The following ADAM18 variants were observed in gnomAD, a reference collection of about 807,000 sequenced individuals.
ADAM18 encodes ADAM metallopeptidase domain 18.
In ADAM18, 117 loss-of-function variants were observed where a neutral mutation model predicts 94.4. The ratio of observed to expected loss-of-function variants is 1.24; its 90% CI spans 1.07 to 1.45. ADAM18 has a LOEUF of 1.45. ADAM18 is among the 40% of genes most tolerant of loss of function. ADAM18 has a pLI of 0.00. For synonymous variants in ADAM18, 327 were observed against 291.6 expected (o/e 1.12, Z -1.24); for missense variants, 936 against 880.0 (o/e 1.06, Z -0.81).
At chr8:39,594,705 G>A (rs1818684601) in intron 2 of ADAM18, among the ~76,000 whole-genome samples, 1 of 148,728 alleles carries the variant, frequency 6.7e-6, no homozygotes, top group African/African-American at 2.5e-5. Context: ...TTCCCTAATG[G>A]GTAAGTTGTC....
chr8:39,727,423 G>T (rs923712583), intron 19 of ADAM18, among the ~76,000 whole-genome samples: 1 of 152,048 alleles, frequency 6.6e-6, no homozygotes, highest in Non-Finnish European at 1.5e-5. Flanking sequence ...TCATTACTTT[G>T]CTCCCCCATC....
At chr8:39,693,398 GT>G (rs914919281) in intron 17 of ADAM18, among the ~76,000 whole-genome samples, 36 of 149,256 alleles carry the variant, frequency 2.4e-4, no homozygotes, top group African/African-American at 6.4e-4. Context: ...ACATTTTAAT[GT>G]TTTTTTTTCT....
chr8:39,609,524 A>C lies in ADAM18; in HGVS notation c.307A>C (p.Asn103His). ...HYQGYAAEFP[N>H]SFVTLSICSG... Reference sequence around the variant, plus strand: ...CCAAGGATATGCTGCCGAATTTCCAAATTCATTTGTGACACTCAGTATATG... The same window carrying C: ...CCAAGGATATGCTGCCGAATTTCCACATTCATTTGTGACACTCAGTATATG... Residue 103 changes from asparagine (N) to histidine (H), a missense_variant, in exon 5 of 20, where the codon AAT becomes CAT. Transcript: ENST00000265707. 2 of 1,611,494 alleles carry C rather than the reference A, an allele frequency of 1.2e-6. No individual in the cohort carries two copies. Among genetic ancestry groups the C allele is most frequent in the East Asian group, 2.2e-5 (1 of 44,776 alleles).
At chr8:39,728,914 T>C (rs1822997362) in intron 19 of ADAM18, among the ~76,000 whole-genome samples, 1 of 152,214 alleles carries the variant, frequency 6.6e-6, no homozygotes, top group African/African-American at 2.4e-5. Flanking sequence ...GGTAATTCTA[T>C]TTTTATATTT....
intron 18 of ADAM18, among the ~76,000 whole-genome samples, chr8:39,714,247 C>G (rs1318642983): frequency 2.0e-5 from 3 of 152,106 alleles, no homozygotes; most frequent in Non-Finnish European, 2.9e-5. Flanking sequence ...AATGAGATCA[C>G]TTGGTTGCAG....
At chr8:39,721,974 A>G (rs987117101) in intron 18 of ADAM18, among the ~76,000 whole-genome samples, 11 of 151,260 alleles carry the variant, frequency 7.3e-5, no homozygotes, top group Admixed American at 2.0e-4. Context: ...TAACAAAGTT[A>G]TGGAATCAAC....
chr8:39,629,694 CTCTT>C (rs1819879865), intron 7 of ADAM18, among the ~76,000 whole-genome samples: 1 of 150,978 alleles, frequency 6.6e-6, no homozygotes, highest in Non-Finnish European at 1.5e-5. Context: ...TCCTTCCTTC[CTCTT>C]TCTTTCACTC....
At chr8:39,673,618 C>T (rs552989471) in intron 14 of ADAM18, among the ~76,000 whole-genome samples, 1 of 152,042 alleles carries the variant, frequency 6.6e-6, no homozygotes, top group Non-Finnish European at 1.5e-5. Context: ...GTTTCTCTGT[C>T]TCTTTCAGTT....
intron 19 of ADAM18, among the ~76,000 whole-genome samples, chr8:39,724,546 C>G (rs1295531021): frequency 2.0e-5 from 3 of 151,436 alleles, no homozygotes; most frequent in Non-Finnish European, 3.0e-5. Flanking sequence ...TAGTGTTATT[C>G]AGTTTTGTAT....
chr8:39,639,745 TA>T (rs1169362923), intron 10 of ADAM18, among the ~76,000 whole-genome samples: 10 of 152,232 alleles, frequency 6.6e-5, no homozygotes, highest in African/African-American at 2.2e-4. Flanking sequence ...AACTATTTAA[TA>T]AAATCATACA....
intron 18 of ADAM18, among the ~76,000 whole-genome samples, chr8:39,721,179 C>T (rs180855412): frequency 6.6e-6 from 1 of 151,556 alleles, no homozygotes. Context: ...GATCCACACT[C>T]ACCCTATTCA....
At chr8:39,621,828 G>A (rs889587924) in intron 6 of ADAM18, among the ~76,000 whole-genome samples, 4 of 152,158 alleles carry the variant, frequency 2.6e-5, no homozygotes, top group African/African-American at 9.7e-5. Context: ...AGCAGGAACA[G>A]AAAACCAAAC....
rs74501751 is a variant in ADAM18, at chr8:39,683,980, A to G, written c.1821+3754A>G. Among the ~76,000 whole-genome samples, 730 of 152,202 alleles carry G rather than the reference A, an allele frequency of 4.8e-3. 1 individual carries two copies. The highest frequency in any genetic ancestry group is 8.0e-3 in the African/African-American group (332 of 41,520). ...AGCGAGAACTTGTCTCTAAAAAATA[A>G]TATTATTTTAAAAAATTAGCCAGGT... On this transcript the variant is annotated intron_variant, in intron 16 of 19. Coordinates refer to ENST00000265707, the MANE Select transcript of ADAM18 (RefSeq NM_014237.3).
intron 12 of ADAM18, among the ~76,000 whole-genome samples, chr8:39,652,788 A>G (rs1356245662): frequency 6.6e-6 from 1 of 152,210 alleles, no homozygotes; most frequent in Non-Finnish European, 1.5e-5. Context: ...CTAAGTGTCT[A>G]TCAATAAATG....
chr8:39,681,824 T>C (rs1821468899), intron 16 of ADAM18, among the ~76,000 whole-genome samples: 1 of 152,180 alleles, frequency 6.6e-6, no homozygotes, highest in African/African-American at 2.4e-5. Flanking sequence ...TATTGTCTTC[T>C]ACAGTACGTG....
intron 2 of ADAM18, among the ~76,000 whole-genome samples, chr8:39,596,032 T>G (rs2129458154): frequency 6.6e-6 from 1 of 152,338 alleles, no homozygotes; most frequent in East Asian, 1.9e-4. Context: ...ATTTCTAAAA[T>G]AAACTGTGTG....
At chr8:39,590,807 A>G (rs530749600) in intron 2 of ADAM18, among the ~76,000 whole-genome samples, 12 of 152,322 alleles carry the variant, frequency 7.9e-5, no homozygotes, top group South Asian at 2.1e-4. Context: ...ATTCAGAAAT[A>G]GAACATAAGA....
chr8:39,585,856 T>C (rs1244440973), intron 2 of ADAM18, among the ~76,000 whole-genome samples: 1 of 152,174 alleles, frequency 6.6e-6, no homozygotes, highest in Non-Finnish European at 1.5e-5. Context: ...AAATATTAAC[T>C]GGAAAAAGAA....
chr8:39,655,032 T>G (rs1455081059), intron 12 of ADAM18, among the ~76,000 whole-genome samples: 1 of 152,188 alleles, frequency 6.6e-6, no homozygotes, highest in African/African-American at 2.4e-5. Flanking sequence ...CAGAAGCTTT[T>G]TAGCTTGATG....
Sources: gnomAD v4.1 joint callset for allele counts (sites outside exome capture counted in the v4.1 genomes callset) on GRCh38, gnomAD v4.1.1 for gene constraint, MANE v1.5 for transcripts, NCBI Gene and HGNC (gene_info 2026-07-23, HGNC 2026-07-21) for gene names.